BCL11A: variants seen among roughly 807,000 people sequenced by gnomAD.
BCL11A encodes the protein BCL11 transcription factor A, also known as B cell CLL/lymphoma 11A.
In BCL11A, 2 loss-of-function variants were observed where a neutral mutation model predicts 55.9. The ratio of observed to expected loss-of-function variants is 0.04; its 90% CI spans 0.01 to 0.11. The LOEUF (loss-of-function observed/expected upper bound fraction) is 0.11, where lower values mean the gene tolerates loss of function less well. BCL11A is among the 10% of genes least tolerant of loss of function. The pLI is 1.00. For synonymous variants in BCL11A, 465 were observed against 473.4 expected (o/e 0.98, Z 0.23); for missense variants, 817 against 1,137.1 (o/e 0.72, Z 4.05).
intron 2 of BCL11A, among the ~76,000 whole-genome samples, chr2:60,521,850 A>C (rs1669011708): frequency 6.6e-6 from 1 of 152,190 alleles, no homozygotes; most frequent in South Asian, 2.1e-4. Flanking sequence ...AAACTCAAGC[A>C]AACGCCACAT....
chr2:60,530,185 C>G (rs1669382913), intron 2 of BCL11A, among the ~76,000 whole-genome samples: 1 of 152,102 alleles, frequency 6.6e-6, no homozygotes, highest in African/African-American at 2.4e-5. Context: ...GGGTCCTGCC[C>G]AGGAAAGGCT....
At chr2:60,490,334 T>C (rs1163301945) in intron 2 of BCL11A, among the ~76,000 whole-genome samples, 2 of 152,212 alleles carry the variant, frequency 1.3e-5, no homozygotes, top group African/African-American at 4.8e-5. Flanking sequence ...AGCAGCCCTC[T>C]GTGATCTATA....
At chr2:60,498,273 G>A (rs1573011009) in intron 2 of BCL11A, among the ~76,000 whole-genome samples, 1 of 152,022 alleles carries the variant, frequency 6.6e-6, no homozygotes, top group South Asian at 2.1e-4. Context: ...AGCAGGGCCT[G>A]TCAGAAGAGG....
Position 60,459,952 on chromosome 2 carries a change from T to G in BCL11A, c.*452A>C. 1 of 1,063,806 alleles carries G rather than the reference T, an allele frequency of 9.4e-7. No individual in the cohort carries two copies. Among genetic ancestry groups the G allele is most frequent in the Non-Finnish European group, 1.1e-6 (1 of 878,406 alleles). 65.9% of individuals were successfully genotyped at this position (1,063,806 alleles called of 1,614,324 possible). A position where few individuals can be genotyped will look rare whatever the true frequency, so the allele number is the denominator to read the frequency against. ...GGTCTTTTTCTCTCTCTCTCTCTTT[T>G]TCTCTCAGAACGGAACTGGAAACAG... is the stretch of plus-strand genomic sequence containing the variant. On this transcript the variant is annotated 3_prime_UTR_variant, in exon 4 of 4. Coordinates refer to ENST00000642384, the MANE Select transcript of BCL11A (RefSeq NM_022893.4).
chr2:60,485,216 G>A (rs1012190501), intron 2 of BCL11A, among the ~76,000 whole-genome samples: 1 of 152,202 alleles, frequency 6.6e-6, no homozygotes, highest in Admixed American at 6.5e-5. Flanking sequence ...ATGGAAGTCT[G>A]GCCTTGGAGT....
At chr2:60,513,410 G>A (rs1374473343) in intron 2 of BCL11A, among the ~76,000 whole-genome samples, 3 of 152,306 alleles carry the variant, frequency 2.0e-5, no homozygotes, top group East Asian at 3.9e-4. Flanking sequence ...CGCCCCACTT[G>A]AGGCTGTCCA....
At chr2:60,452,709 C>T (rs532074730), downstream of BCL11A, 2 of 1,475,744 alleles carry the variant, frequency 1.4e-6, no homozygotes, top group South Asian at 2.3e-5. Context: ...AAAAAAAGTA[C>T]AGGTGTGACT....
chr2:60,549,149 G>C (rs1363151570), intron 1 of BCL11A, among the ~76,000 whole-genome samples: 1 of 152,138 alleles, frequency 6.6e-6, no homozygotes, highest in South Asian at 2.1e-4. Context: ...GGAAGAAATA[G>C]AAAATAAAAT....
intron 2 of BCL11A, chr2:60,526,770 A>G (rs1162835446): frequency 1.3e-5 from 2 of 152,246 alleles, no homozygotes; most frequent in Non-Finnish European, 2.9e-5. Flanking sequence ...CAACTGTGTA[A>G]AAGTCATGAT....
chr2:60,531,281 C>T (rs996519140), intron 2 of BCL11A, among the ~76,000 whole-genome samples: 2 of 152,124 alleles, frequency 1.3e-5, no homozygotes, highest in Admixed American at 6.6e-5. Flanking sequence ...AGAATCTTTT[C>T]GACCCTCTCA....
At chr2:60,462,850 T>C (rs1033763234) in intron 3 of BCL11A, among the ~76,000 whole-genome samples, 1 of 152,232 alleles carries the variant, frequency 6.6e-6, no homozygotes, top group Non-Finnish European at 1.5e-5. Context: ...AGGAAACTTT[T>C]TGGCTTCCTA....
intron 2 of BCL11A, chr2:60,532,993 A>T (rs570508118): frequency 3.3e-5 from 5 of 152,368 alleles, no homozygotes; most frequent in African/African-American, 1.2e-4. Context: ...TCTCCATTAT[A>T]TAACAATCTA....
At position 60,462,020 on chromosome 2, in the gene BCL11A, C is replaced by T. The variant is rs1280939704; in HGVS notation, c.892G>A (p.Asp298Asn). The T allele has an allele frequency of 6.2e-7, 1 of 1,612,140 alleles. No individual in the cohort carries two copies. Among genetic ancestry groups the T allele is most frequent in the African/African-American group, 1.3e-5 (1 of 74,992 alleles). ...ATTGGATTCAACCGCAGCACCCTGT[C>T]AAAGGCACTCGGGTGATGGGTGGCC... ...ALATHHPSAF[D>N]RVLRLNPMAM... The change falls in exon 4 of 4, where the codon GAC becomes AAC. Residue 298 changes from aspartate (D) to asparagine (N), a missense_variant. Transcript: ENST00000642384.
chr2:60,476,651 G>A (rs533606526), intron 2 of BCL11A, among the ~76,000 whole-genome samples: 15 of 152,298 alleles, frequency 9.8e-5, no homozygotes, highest in African/African-American at 3.1e-4. Context: ...GAGATGTTTC[G>A]TCACCCTTCC....
chr2:60,479,337 T>A (rs1350733393), intron 2 of BCL11A, among the ~76,000 whole-genome samples: 1 of 152,188 alleles, frequency 6.6e-6, no homozygotes, highest in African/African-American at 2.4e-5. Context: ...CCGGAGACCA[T>A]TTTTTGTTTT....
chr2:60,550,506 C>G (rs1159190838), intron 1 of BCL11A, among the ~76,000 whole-genome samples: 1 of 149,852 alleles, frequency 6.7e-6, no homozygotes, highest in East Asian at 2.0e-4. Context: ...CTTTCTTGAT[C>G]TTGTTCTGCC....
chr2:60,540,992 G>GTGTGTGTGTGTGT (rs1371737091), intron 2 of BCL11A, among the ~76,000 whole-genome samples: 2 of 135,872 alleles, frequency 1.5e-5, no homozygotes, highest in Admixed American at 7.3e-5. Context: ...GTGTGTGTGT[G>GTGTGTGTGTGTGT]GTTATTTTGT....
chr2:60,472,333 T>C (rs1677254793), intron 2 of BCL11A, among the ~76,000 whole-genome samples: 1 of 152,226 alleles, frequency 6.6e-6, no homozygotes, highest in African/African-American at 2.4e-5. Context: ...GACTCTTGTT[T>C]CCCTTTCTGG....
At chr2:60,503,501 C>A (rs375357444) in intron 2 of BCL11A, among the ~76,000 whole-genome samples, 4 of 152,208 alleles carry the variant, frequency 2.6e-5, no homozygotes, top group African/African-American at 9.6e-5. Context: ...TGGGGCATAA[C>A]CCTCCCTCCT....
Sources: allele counts gnomAD v4.1 joint callset (sites outside exome capture counted in the v4.1 genomes callset), GRCh38; gene constraint gnomAD v4.1.1; transcripts MANE v1.5; gene names NCBI Gene and HGNC (gene_info 2026-07-23, HGNC 2026-07-21).